Variants in ERG observed in about 807,000 individuals in gnomAD.
The protein encoded by ERG is transcriptional regulator ERG.
Under a neutral mutation model 55.3 loss-of-function variants are expected in ERG, and 9 were observed. That is an observed-to-expected ratio of 0.16 (90% CI 0.10 to 0.28). ERG has a LOEUF of 0.28. Ranked by LOEUF, ERG falls within the 10% of genes least tolerant of loss-of-function variation. The probability of loss-of-function intolerance (pLI) is 1.00; values close to 1 mark genes in which losing one functional copy is unlikely to be tolerated. For missense variants in ERG, 434 were observed against 631.6 expected, an observed-to-expected ratio of 0.69 and a Z score of 3.35; for synonymous variants, 223 against 237.3, an observed-to-expected ratio of 0.94 and a Z score of 0.55.
intron 2 of ERG, among the ~76,000 whole-genome samples, chr21:38,520,024 C>T (rs373386509): frequency 1.6e-5 from 2 of 124,864 alleles, no homozygotes; most frequent in Non-Finnish European, 3.3e-5. Context: ...CACACATACA[C>T]ACACACACAA....
At position 38,551,544 on chromosome 21, in the gene ERG, TG is replaced by T. The variant is rs2059824457; in HGVS notation, c.-41+24117del. Among the ~76,000 whole-genome samples the T allele has an allele frequency of 4.6e-5, 7 of 152,294 alleles. No individual in the cohort carries two copies. In the South Asian group the frequency reaches 1.5e-3, roughly 32 times the overall value. ...CTGTATCCCAGAGATTCTGGTATGG[TG>T]TATCTTTGTTTTCATTTGTTTCAAA... is the stretch of plus-strand genomic sequence containing the variant. On this transcript the variant is annotated intron_variant, in intron 2 of 8. Transcript: ENST00000398897.
At position 38,391,092 on chromosome 21, in the gene ERG, T is replaced by C. The variant is rs1467449023; in HGVS notation, c.872-50A>G. On this transcript the variant is annotated intron_variant, in intron 8 of 9. Coordinates refer to ENST00000288319, the MANE Select transcript of ERG (RefSeq NM_182918.4). ...AATCCTAGACATAGTTGTAACATAGTATGATGTGACTTCAGACATAATGCC... is the reference window on the plus strand; with the variant it reads ...AATCCTAGACATAGTTGTAACATAGCATGATGTGACTTCAGACATAATGCC... The C allele has an allele frequency of 5.4e-6, 8 of 1,479,338 alleles. No homozygotes were observed. In the South Asian group the frequency reaches 5.8e-5, roughly 11 times the overall value. 91.6% of individuals were successfully genotyped at this position (1,479,338 alleles called of 1,614,324 possible).
At chr21:38,410,048 A>G (rs922429339) in intron 3 of ERG, among the ~76,000 whole-genome samples, 3 of 152,220 alleles carry the variant, frequency 2.0e-5, no homozygotes, top group African/African-American at 7.2e-5. Context: ...ATTAAATGAA[A>G]TGTTAGGGGA....
In ERG at chr21:38,458,840, C is replaced by T. The variant is rs1325221995; in HGVS notation, c.19-13219G>A. 3.9e-5 allele frequency among the ~76,000 whole-genome samples: 6 copies of T among 152,300 alleles called. No homozygotes were observed. In the South Asian group the frequency reaches 8.3e-4, roughly 21 times the overall value. ...GCTCTCTTCTCTTCTCCAACCTTGCCGTCTGGTTCTGACACTGTCCTGCCA... is the reference window on the plus strand; with the variant it reads ...GCTCTCTTCTCTTCTCCAACCTTGCTGTCTGGTTCTGACACTGTCCTGCCA... On this transcript the variant is annotated intron_variant, in intron 1 of 9. Coordinates refer to ENST00000288319, the MANE Select transcript of ERG (RefSeq NM_182918.4).
intron 2 of ERG, among the ~76,000 whole-genome samples, chr21:38,433,361 T>C (rs1434365643): frequency 6.6e-6 from 1 of 152,132 alleles, no homozygotes; most frequent in African/African-American, 2.4e-5. Context: ...TTTTTAAGAT[T>C]AAATAAAATA....
intron 3 of ERG, among the ~76,000 whole-genome samples, chr21:38,408,185 G>C (rs1282972743): frequency 6.6e-6 from 1 of 152,118 alleles, no homozygotes; most frequent in Non-Finnish European, 1.5e-5. Flanking sequence ...CTTTTCTCCT[G>C]AGCACTCGCA....
chr21:38,507,921 G>C (rs1458682435), intron 2 of ERG, among the ~76,000 whole-genome samples: 3 of 2,780 alleles, frequency 1.1e-3, no homozygotes, highest in Admixed American at 3.7e-3. Context: ...AAGTTGTGAG[G>C]AACCAGTGGC....
intron 2 of ERG, among the ~76,000 whole-genome samples, chr21:38,557,148 T>C (rs560880247): frequency 2.0e-4 from 31 of 152,336 alleles, no homozygotes; most frequent in Admixed American, 3.9e-4. Context: ...TTCTAAATGT[T>C]TCTGTGACCT....
chr21:38,635,963 C>A (rs1789155382), intron 1 of ERG, among the ~76,000 whole-genome samples: 2 of 152,046 alleles, frequency 1.3e-5, no homozygotes, highest in East Asian at 3.9e-4. Context: ...TGGCTGTGTC[C>A]CCATCCAAAT....
At chr21:38,569,387 A>G (rs781073955) in intron 2 of ERG, among the ~76,000 whole-genome samples, 3 of 152,218 alleles carry the variant, frequency 2.0e-5, no homozygotes, top group Non-Finnish European at 4.4e-5. Context: ...AAGTCACTTG[A>G]CCAGCAGTAG....
intron 2 of ERG, among the ~76,000 whole-genome samples, chr21:38,517,405 T>C (rs1292964059): frequency 2.0e-5 from 3 of 151,864 alleles, no homozygotes; most frequent in Admixed American, 6.6e-5. Flanking sequence ...AAAACCACAA[T>C]GAGATATCAT....
intron 1 of ERG, among the ~76,000 whole-genome samples, chr21:38,634,126 T>G (rs1313764056): frequency 6.6e-6 from 1 of 152,228 alleles, no homozygotes; most frequent in African/African-American, 2.4e-5. Flanking sequence ...TTGTATTTTA[T>G]CTGCAAAAGA....
chr21:38,389,014 T>C, intron 9 of ERG, among the ~76,000 whole-genome samples: 1 of 152,200 alleles, frequency 6.6e-6, no homozygotes, highest in East Asian at 1.9e-4. Context: ...AAAGGCCAGT[T>C]TGGTCTTCTT....
intron 1 of ERG, among the ~76,000 whole-genome samples, chr21:38,465,647 G>C (rs184902623): frequency 2.1e-4 from 32 of 152,328 alleles, no homozygotes; most frequent in Admixed American, 1.9e-3. Context: ...CTACGCAAGT[G>C]TAGGGGCAGC....
At chr21:38,410,569 G>T (rs1049211820) in intron 3 of ERG, among the ~76,000 whole-genome samples, 8 of 152,332 alleles carry the variant, frequency 5.3e-5, no homozygotes, top group African/African-American at 1.7e-4. Flanking sequence ...GAGTGGGAGT[G>T]GGGGTATAAG....
intron 1 of ERG, among the ~76,000 whole-genome samples, chr21:38,618,344 G>A (rs182666658): frequency 1.1e-4 from 16 of 152,264 alleles, no homozygotes; most frequent in South Asian, 6.2e-4. Context: ...ATCATTAACC[G>A]GTAAAACAAT....
intron 1 of ERG, among the ~76,000 whole-genome samples, chr21:38,619,656 G>A (rs570117296): frequency 6.6e-6 from 1 of 152,290 alleles, no homozygotes; most frequent in South Asian, 2.1e-4. Context: ...CTGTTTATAG[G>A]GCCAGAATTT....
intron 1 of ERG, among the ~76,000 whole-genome samples, chr21:38,640,960 A>G (rs2060421087): frequency 6.6e-6 from 1 of 152,242 alleles, no homozygotes; most frequent in Non-Finnish European, 1.5e-5. Context: ...TTAGCATGAG[A>G]AATATAACAA....
Position 38,383,341 on chromosome 21 carries a change from G to A in ERG, c.*62C>T, listed in dbSNP as rs565436535. ...GAGGCACTTTTGATTCATGTTCTCC[G>A]ATAGAGTTTGTGGCGATGGGCTGGT... On this transcript the variant is annotated 3_prime_UTR_variant, in exon 10 of 10. Transcript: ENST00000288319. This position sits in a 1 kb window ranked among gnomAD's most constrained non-coding sequence, Gnocchi z 5.7. 24 of 1,409,624 alleles carry A rather than the reference G, an allele frequency of 1.7e-5. No homozygotes were observed. Among genetic ancestry groups the A allele is most frequent in the South Asian group, 2.1e-5 (1 of 48,502 alleles). 87.3% of individuals were successfully genotyped at this position (1,409,624 alleles called of 1,614,324 possible).
Sources: gnomAD v4.1 joint callset for allele counts (sites outside exome capture counted in the v4.1 genomes callset) on GRCh38, gnomAD v4.1.1 for gene constraint, Gnocchi (gnomAD v3.1) non-coding constraint, MANE v1.5 for transcripts, NCBI Gene and HGNC (gene_info 2026-07-23, HGNC 2026-07-21) for gene names.